The following UNC13C variants were observed in gnomAD, a reference collection of about 807,000 sequenced individuals.
UNC13C encodes unc-13 homolog C.
A neutral mutation model predicts 245.4 loss-of-function variants in UNC13C; 174 were observed. The observed-to-expected ratio is 0.71, with a 90% CI of 0.63 to 0.80. UNC13C has a LOEUF of 0.80. UNC13C is among the 30% of genes least tolerant of loss of function. The probability of loss-of-function intolerance (pLI) is 0.00; values close to 1 mark genes in which losing one functional copy is unlikely to be tolerated. For missense variants in UNC13C, 2,829 were observed against 2,602.9 expected, an observed-to-expected ratio of 1.09 and a Z score of -1.89; for synonymous variants, 992 against 895.1, an observed-to-expected ratio of 1.11 and a Z score of -1.93.
At chr15:53,981,082 C>G (rs1893908135) in intron 1 of UNC13C, among the ~76,000 whole-genome samples, 1 of 152,076 alleles carries the variant, frequency 6.6e-6, no homozygotes, top group Non-Finnish European at 1.5e-5. Context: ...TAGGGCAAAC[C>G]TCTGTTTTTT....
intron 12 of UNC13C, among the ~76,000 whole-genome samples, chr15:54,299,923 G>A (rs1053957605): frequency 7.2e-5 from 11 of 152,110 alleles, no homozygotes; most frequent in African/African-American, 2.4e-4. Flanking sequence ...GCCTGTTACT[G>A]TCAGAGACCT....
the UNC13C span, among the ~76,000 whole-genome samples, chr15:53,872,614 A>G: frequency 3.9e-5 from 6 of 152,128 alleles, no homozygotes; most frequent in Non-Finnish European, 8.8e-5. Context: ...CTTCCTCTCC[A>G]GTCTCCATGC....
chr15:54,537,763 G>A (rs973199399), intron 26 of UNC13C, among the ~76,000 whole-genome samples: 10 of 151,240 alleles, frequency 6.6e-5, no homozygotes, highest in African/African-American at 2.2e-4. Flanking sequence ...AAATGGTGTT[G>A]TTAGAATAAC....
At chr15:54,368,557 A>T (rs1427860102) in intron 17 of UNC13C, among the ~76,000 whole-genome samples, 31 of 152,004 alleles carry the variant, frequency 2.0e-4, no homozygotes, top group Admixed American at 2.0e-3. Context: ...CGAGAAACCA[A>T]TGTGGTCTGC....
rs766234232 is a variant in UNC13C at position 54,235,073 on chromosome 15, C to T, written c.3115C>T (p.Arg1039Cys). 7.4e-6 allele frequency: 12 copies of T among 1,613,642 alleles called. No homozygotes were observed. The East Asian group carries it at 1.6e-4, about 21-fold the overall frequency. The change falls in exon 5 of 33, where the codon CGC (arginine) becomes TGC (cysteine). Residue 1039 changes from arginine to cysteine, a missense_variant. Physicochemically the swap from Arg to Cys is radical, Grantham distance 180. Coordinates refer to ENST00000260323, the MANE Select transcript of UNC13C (RefSeq NM_001080534.3). Reference sequence around the variant, plus strand: ...TGGTATTGACAGCATGCCGGATCTTCGCAGAAAAAAAACTTTGCCTATTGT... The same window carrying T: ...TGGTATTGACAGCATGCCGGATCTTTGCAGAAAAAAAACTTTGCCTATTGT... ...LYGIDSMPDL[R>C]RKKTLPIVRD...
intron 16 of UNC13C, among the ~76,000 whole-genome samples, chr15:54,337,952 C>G (rs1238668478): frequency 1.3e-5 from 2 of 152,152 alleles, no homozygotes; most frequent in African/African-American, 4.8e-5. Context: ...TTTCAACATG[C>G]ATCATCATGT....
intron 10 of UNC13C, among the ~76,000 whole-genome samples, chr15:54,284,876 A>G (rs1464766444): frequency 6.6e-6 from 1 of 152,112 alleles, no homozygotes; most frequent in East Asian, 1.9e-4. Flanking sequence ...TAGTCATCAA[A>G]ACAGCTGTTA....
At chr15:54,117,523 TTC>T (rs56332846) in intron 2 of UNC13C, among the ~76,000 whole-genome samples, 13,878 of 101,830 alleles carry the variant, frequency 0.14, 558 homozygotes, top group Admixed American at 0.16. Context: ...ACTATTATGT[TTC>T]TCTCTCTCTC....
At chr15:54,388,385 C>G (rs2039881856) in intron 17 of UNC13C, among the ~76,000 whole-genome samples, 1 of 152,150 alleles carries the variant, frequency 6.6e-6, no homozygotes, top group Non-Finnish European at 1.5e-5. Context: ...AGTGTCACTA[C>G]AAGTTCAGAG....
chr15:54,393,186 G>A lies in UNC13C; in HGVS notation c.4847+5G>A, dbSNP rs771474816. On this transcript the variant is annotated splice_donor_5th_base_variant and intron_variant, in intron 18 of 32. Transcript: ENST00000260323. ...CTACACACCTGTCCTGAATCAGTAAGTACAATGTTTTGGAAATGAATGGAT... is the reference window on the plus strand; with the variant it reads ...CTACACACCTGTCCTGAATCAGTAAATACAATGTTTTGGAAATGAATGGAT... 1 of 1,548,862 alleles carries A rather than the reference G, an allele frequency of 6.5e-7. No individual in the cohort carries two copies.
the UNC13C span, among the ~76,000 whole-genome samples, chr15:53,893,576 T>C: frequency 6.6e-6 from 1 of 152,236 alleles, no homozygotes; most frequent in East Asian, 1.9e-4. Context: ...TGTGGCAGTC[T>C]GGCCACAGCA....
At chr15:54,152,572 A>G (rs1190918263) in intron 4 of UNC13C, among the ~76,000 whole-genome samples, 2 of 152,168 alleles carry the variant, frequency 1.3e-5, no homozygotes, top group East Asian at 3.9e-4. Flanking sequence ...TTTGAAGAGT[A>G]GCAAATTAAA....
At chr15:54,539,534 A>G (rs1283008962) in intron 26 of UNC13C, among the ~76,000 whole-genome samples, 2 of 152,050 alleles carry the variant, frequency 1.3e-5, no homozygotes, top group Non-Finnish European at 2.9e-5. Context: ...CAACACAGAA[A>G]TGGATCACTA....
chr15:53,897,953 T>C, the UNC13C span, among the ~76,000 whole-genome samples: 2 of 152,188 alleles, frequency 1.3e-5, no homozygotes, highest in Non-Finnish European at 2.9e-5. Context: ...TCTTGATAAC[T>C]GTAGTTCTAG....
intron 2 of UNC13C, among the ~76,000 whole-genome samples, chr15:54,082,892 T>A (rs1041599931): frequency 2.0e-5 from 3 of 152,174 alleles, no homozygotes; most frequent in Non-Finnish European, 2.9e-5. Flanking sequence ...CTTTCTAAGA[T>A]GCTGCTTGTT....
At chr15:53,904,990 A>T in the UNC13C span, among the ~76,000 whole-genome samples, 1 of 152,162 alleles carries the variant, frequency 6.6e-6, no homozygotes. Flanking sequence ...TAGACATTCC[A>T]AGGGCCTTGG....
chr15:54,423,489 A>C (rs769396005), intron 19 of UNC13C, among the ~76,000 whole-genome samples: 1 of 151,866 alleles, frequency 6.6e-6, no homozygotes, highest in Non-Finnish European at 1.5e-5. Context: ...TTGTGTACCT[A>C]GCTCTTTATT....
At position 54,599,277 on chromosome 15, in the gene UNC13C, G is replaced by A. The variant is rs140261297; in HGVS notation, c.6107-23050G>A. 1.7e-3 allele frequency among the ~76,000 whole-genome samples: 260 copies of A among 152,118 alleles called. 3 individuals carry two copies. Among genetic ancestry groups the A allele is most frequent in the Non-Finnish European group, 2.4e-3 (160 of 67,954 alleles). ...ACAAATCCCTGCTTCAAGATTCCAC[G>A]TTCAGGACATTTTCTAATAAACATG... On this transcript the variant is annotated intron_variant, in intron 30 of 32. Transcript: ENST00000260323.
At chr15:54,537,758 GTGT>G (rs150601219) in intron 26 of UNC13C, among the ~76,000 whole-genome samples, 6,776 of 151,832 alleles carry the variant, frequency 0.045, 472 homozygotes, top group African/African-American at 0.15. Flanking sequence ...TCAACAAATG[GTGT>G]TGTTAGAATA....
Sources: allele counts gnomAD v4.1 joint callset (sites outside exome capture counted in the v4.1 genomes callset), GRCh38; gene constraint gnomAD v4.1.1; transcripts MANE v1.5; gene names NCBI Gene and HGNC (gene_info 2026-07-23, HGNC 2026-07-21).